The following JAKMIP2 variants were observed in gnomAD, a reference collection of about 807,000 sequenced individuals.
JAKMIP2 encodes janus kinase and microtubule interacting protein 2.
A neutral mutation model predicts 115.0 loss-of-function variants in JAKMIP2; 25 were observed. That is an observed-to-expected ratio of 0.22 (90% CI 0.16 to 0.30). The LOEUF (loss-of-function observed/expected upper bound fraction) is 0.30. Among genes scored for constraint, JAKMIP2 ranks in the 10% least tolerant of loss-of-function variants. The probability of loss-of-function intolerance (pLI) is 1.00; values close to 1 mark genes in which losing one functional copy is unlikely to be tolerated. For missense variants in JAKMIP2, 642 were observed against 957.6 expected (o/e 0.67, Z 4.35); for synonymous variants, 334 against 343.6 (o/e 0.97, Z 0.31).
intron 3 of JAKMIP2, among the ~76,000 whole-genome samples, chr5:147,656,910 A>C (rs1006670081): frequency 6.6e-6 from 1 of 152,176 alleles, no homozygotes; most frequent in Non-Finnish European, 1.5e-5. Context: ...TTGTCTGGAA[A>C]GGATTTCATT....
In JAKMIP2 at chr5:147,585,788, C is replaced by T. The variant is rs1437603457; in HGVS notation, c.*5919G>A. ...CCCTTGGCTACATTAACACAGTAAACACCTGGGGAATTATGTATTCAAACA... is the reference window on the plus strand; with the variant it reads ...CCCTTGGCTACATTAACACAGTAAATACCTGGGGAATTATGTATTCAAACA... On this transcript the variant is annotated 3_prime_UTR_variant, in exon 22 of 22. Coordinates refer to ENST00000616793, the MANE Select transcript of JAKMIP2 (RefSeq NM_001270941.2). 6.6e-6 allele frequency: 1 copy of T among 152,094 alleles called. No homozygotes were observed. The highest frequency in any genetic ancestry group is 2.4e-5 in the African/African-American group (1 of 41,406). The allele number at this position is 152,094 out of a possible 1,614,324, so 9.4% of individuals were successfully genotyped here.
Position 147,612,344 on chromosome 5 carries a change from C to T in JAKMIP2, c.2374G>A (p.Asp792Asn). The change falls in exon 20 of 22, where the codon GAC becomes AAC. Residue 792 changes from aspartate (D) to asparagine (N), a missense_variant. Asp to Asn is a conservative substitution (Grantham distance 23). This residue lies in a region of JAKMIP2 where 26 missense variants were observed against 50.5 expected (regional missense o/e 0.51). Coordinates refer to ENST00000616793, the MANE Select transcript of JAKMIP2 (RefSeq NM_001270941.2). ...QRIRDLEDKT[D>N]IQKRQIKDLE... is the part of the protein sequence containing the mutation. ...TCTTTTATTTGTCTTTTCTGGATGT[C>T]TGTTTTATCTTCTAAGTCACGAATT... 6.4e-7 allele frequency: 1 copy of T among 1,564,458 alleles called. No homozygotes were observed. Among genetic ancestry groups the T allele is most frequent in the Non-Finnish European group, 8.8e-7 (1 of 1,140,094 alleles).
chr5:147,769,701 T>TC (rs1755278642), intron 1 of JAKMIP2, among the ~76,000 whole-genome samples: 1 of 151,004 alleles, frequency 6.6e-6, no homozygotes, highest in African/African-American at 2.4e-5. Flanking sequence ...TTTTTTTTTT[T>TC]CAAAATATTA....
intron 19 of JAKMIP2, among the ~76,000 whole-genome samples, chr5:147,613,292 T>C (rs1290473729): frequency 6.6e-6 from 1 of 152,110 alleles, no homozygotes; most frequent in East Asian, 1.9e-4. Flanking sequence ...AGGGAATAAT[T>C]AGAAAATAGA....
At chr5:147,779,262 A>G (rs1349551967) in intron 1 of JAKMIP2, among the ~76,000 whole-genome samples, 1 of 152,144 alleles carries the variant, frequency 6.6e-6, no homozygotes, top group Non-Finnish European at 1.5e-5. Flanking sequence ...TGTCTTAATT[A>G]AAACAAGTTT....
chr5:147,690,664 A>G (rs1751801465), intron 1 of JAKMIP2, among the ~76,000 whole-genome samples: 1 of 151,214 alleles, frequency 6.6e-6, no homozygotes, highest in Non-Finnish European at 1.5e-5. Context: ...ATGAGGTAAC[A>G]GGGTCCATCT....
chr5:147,779,487 C>T (rs1206559892), intron 1 of JAKMIP2, among the ~76,000 whole-genome samples: 2 of 151,904 alleles, frequency 1.3e-5, no homozygotes, highest in South Asian at 4.2e-4. Context: ...TAACACAGTA[C>T]ATTTTTCAAA....
At chr5:147,737,560 T>A (rs1235212664) in intron 1 of JAKMIP2, among the ~76,000 whole-genome samples, 2 of 152,192 alleles carry the variant, frequency 1.3e-5, no homozygotes, top group African/African-American at 4.8e-5. Flanking sequence ...ACCTCCAGGT[T>A]TAGCTATTTA....
intron 1 of JAKMIP2, among the ~76,000 whole-genome samples, chr5:147,693,052 G>A (rs1751946938): frequency 6.6e-6 from 1 of 151,900 alleles, no homozygotes; most frequent in South Asian, 2.1e-4. Context: ...TTTATTTGAG[G>A]GAAACAGTAA....
chr5:147,725,475 AC>A (rs1753483123), intron 1 of JAKMIP2, among the ~76,000 whole-genome samples: 1 of 152,028 alleles, frequency 6.6e-6, no homozygotes, highest in Admixed American at 6.6e-5. Flanking sequence ...CTGCACTGGG[AC>A]CTACCCCTTT....
At chr5:147,704,616 A>G (rs962217195) in intron 1 of JAKMIP2, among the ~76,000 whole-genome samples, 3 of 152,194 alleles carry the variant, frequency 2.0e-5, no homozygotes, top group African/African-American at 7.2e-5. Context: ...ACTCTCCCAG[A>G]AGATTAAATT....
chr5:147,698,296 C>G (rs1479186985), intron 1 of JAKMIP2, among the ~76,000 whole-genome samples: 6 of 152,166 alleles, frequency 3.9e-5, no homozygotes, highest in Non-Finnish European at 5.9e-5. Flanking sequence ...AACTAACTTA[C>G]TTTTGATTTT....
At chr5:147,629,803 G>C in intron 14 of JAKMIP2, 57 bp from the exon 15 acceptor site, 1 of 1,368,072 alleles carries the variant, frequency 7.3e-7, no homozygotes, top group Non-Finnish European at 1.0e-6. Flanking sequence ...TATTCCATCA[G>C]TGCCTGAACA....
chr5:147,729,255 T>G (rs1424418232), intron 1 of JAKMIP2, among the ~76,000 whole-genome samples: 6 of 152,120 alleles, frequency 3.9e-5, no homozygotes, highest in African/African-American at 1.4e-4. Context: ...GTTTTCTCAT[T>G]TATAAAGTCA....
At chr5:147,658,366 C>T (rs537596245) in intron 3 of JAKMIP2, among the ~76,000 whole-genome samples, 1 of 152,308 alleles carries the variant, frequency 6.6e-6, no homozygotes, top group Non-Finnish European at 1.5e-5. Flanking sequence ...AAGATTGCTG[C>T]CTGCTCTTTC....
chr5:147,687,470 G>A (rs1337687263), intron 1 of JAKMIP2, among the ~76,000 whole-genome samples: 11 of 152,136 alleles, frequency 7.2e-5, no homozygotes, highest in Non-Finnish European at 1.5e-4. Context: ...CTAACAGAAG[G>A]GATGGCTAAA....
At chr5:147,685,569 C>T (rs1760526752) in intron 1 of JAKMIP2, among the ~76,000 whole-genome samples, 1 of 152,144 alleles carries the variant, frequency 6.6e-6, no homozygotes, top group South Asian at 2.1e-4. Flanking sequence ...AAATACTGTA[C>T]TAGAAATACT....
At chr5:147,676,671 C>T (rs968753836) in intron 1 of JAKMIP2, among the ~76,000 whole-genome samples, 1 of 152,220 alleles carries the variant, frequency 6.6e-6, no homozygotes, top group Non-Finnish European at 1.5e-5. Flanking sequence ...GCACCTCCTA[C>T]AGCCTCTGAG....
intron 1 of JAKMIP2, among the ~76,000 whole-genome samples, chr5:147,767,377 C>G (rs1755193320): frequency 1.3e-5 from 2 of 152,106 alleles, no homozygotes; most frequent in Admixed American, 1.3e-4. Flanking sequence ...CTCAACACTT[C>G]CTTTTCACTT....
Sources: gnomAD v4.1 joint callset for allele counts (sites outside exome capture counted in the v4.1 genomes callset) on GRCh38, gnomAD v4.1.1 for gene constraint, gnomAD v4.1.1 regional missense constraint, MANE v1.5 for transcripts, NCBI Gene and HGNC (gene_info 2026-07-23, HGNC 2026-07-21) for gene names.